TENM3: variants seen among roughly 807,000 people sequenced by gnomAD.
The protein encoded by TENM3 is teneurin-3.
TENM3 carries 63 observed loss-of-function variants against 255.1 expected under a neutral mutation model. The observed-to-expected ratio is 0.25, with a 90% CI of 0.20 to 0.30. TENM3 has a LOEUF of 0.30. TENM3 is among the 10% of genes least tolerant of loss of function. The pLI, the probability that TENM3 is intolerant of heterozygous loss-of-function variation, is 1.00. For synonymous variants in TENM3, 1,306 were observed against 1,322.3 expected, an observed-to-expected ratio of 0.99 and a Z score of 0.27; for missense variants, 2,929 against 3,461.1, an observed-to-expected ratio of 0.85 and a Z score of 3.86.
At chr4:181,599,110 A>C in the TENM3 span, among the ~76,000 whole-genome samples, 1 of 152,224 alleles carries the variant, frequency 6.6e-6, no homozygotes, top group Non-Finnish European at 1.5e-5. Context: ...AGGGGCAAAA[A>C]TATCGAGTTA....
chr4:181,647,124 T>G, the TENM3 span, among the ~76,000 whole-genome samples: 1,716 of 152,268 alleles, frequency 0.011, 32 homozygotes, highest in African/African-American at 0.039. Flanking sequence ...ATTTTTAGGA[T>G]AAGTTCAGAA....
chr4:182,489,993 A>G (rs1255406880), intron 3 of TENM3, among the ~76,000 whole-genome samples: 2 of 152,188 alleles, frequency 1.3e-5, no homozygotes, highest in African/African-American at 4.8e-5. Context: ...AAATGATAAA[A>G]TGTGTAAGAG....
chr4:181,979,092 C>A, the TENM3 span, among the ~76,000 whole-genome samples: 1 of 74,300 alleles, frequency 1.3e-5, no homozygotes, highest in African/African-American at 5.3e-5. Flanking sequence ...CTACATTAAG[C>A]CTGACATATA....
chr4:181,544,018 G>A, the TENM3 span, among the ~76,000 whole-genome samples: 1 of 152,120 alleles, frequency 6.6e-6, no homozygotes, highest in African/African-American at 2.4e-5. Flanking sequence ...AACATGTGGT[G>A]AGAACAGAAA....
the TENM3 span, among the ~76,000 whole-genome samples, chr4:182,020,382 A>C: frequency 6.6e-6 from 1 of 152,104 alleles, no homozygotes; most frequent in Non-Finnish European, 1.5e-5. Context: ...AAATTAAAAA[A>C]TAGTTTAAAA....
At chr4:181,735,034 A>G in the TENM3 span, among the ~76,000 whole-genome samples, 13 of 152,172 alleles carry the variant, frequency 8.5e-5, no homozygotes, top group Non-Finnish European at 4.4e-5. Flanking sequence ...AGGTGTGCTC[A>G]TATGCCCACA....
chr4:182,265,272 A>G (rs557807197), intron 1 of TENM3, among the ~76,000 whole-genome samples: 78 of 152,312 alleles, frequency 5.1e-4, no homozygotes, highest in African/African-American at 1.8e-3. Context: ...GGGATGGCTA[A>G]TAGTAGTGAT....
At chr4:181,926,987 C>A in the TENM3 span, among the ~76,000 whole-genome samples, 8 of 152,240 alleles carry the variant, frequency 5.3e-5, no homozygotes, top group South Asian at 1.2e-3. Flanking sequence ...AGCCCAGAAA[C>A]TACACTTTTC....
the TENM3 span, among the ~76,000 whole-genome samples, chr4:181,880,876 C>T: frequency 6.6e-6 from 1 of 152,164 alleles, no homozygotes; most frequent in African/African-American, 2.4e-5. Flanking sequence ...CTATGACCAA[C>T]TTCCAATGCC....
intron 1 of TENM3, among the ~76,000 whole-genome samples, chr4:182,176,328 A>T (rs529064045): frequency 7.4e-6 from 1 of 135,718 alleles, no homozygotes; most frequent in East Asian, 1.9e-4. Context: ...CTTTTGGCAG[A>T]TTACCTCCTC....
the TENM3 span, among the ~76,000 whole-genome samples, chr4:181,886,542 T>C: frequency 2.6e-5 from 4 of 152,202 alleles, no homozygotes; most frequent in African/African-American, 9.7e-5. Context: ...GGATTCTCTA[T>C]TTCACCCAGT....
chr4:182,672,922 C>T, intron 6 of TENM3, 83 bp from the exon 7 acceptor site: 1 of 1,055,228 alleles, frequency 9.5e-7, no homozygotes, highest in Non-Finnish European at 1.4e-6. Flanking sequence ...GTAAAAATAA[C>T]TTTTTCAAAA....
intron 1 of TENM3, among the ~76,000 whole-genome samples, chr4:182,261,259 ACT>A (rs1486745413): frequency 6.6e-6 from 1 of 152,210 alleles, no homozygotes; most frequent in Non-Finnish European, 1.5e-5. Flanking sequence ...TGATTTGGAC[ACT>A]CAGTGTTACA....
At chr4:181,965,327 C>A in the TENM3 span, among the ~76,000 whole-genome samples, 20,930 of 152,106 alleles carry the variant, frequency 0.14, 1,924 homozygotes, top group Middle Eastern at 0.2. Flanking sequence ...TTGATAAAGA[C>A]AACAAAAGCT....
At chr4:181,453,774 T>C in the TENM3 span, among the ~76,000 whole-genome samples, 1 of 152,146 alleles carries the variant, frequency 6.6e-6, no homozygotes, top group Non-Finnish European at 1.5e-5. Context: ...GTTAGTCCTG[T>C]AGGGATGCCT....
chr4:182,401,531 C>A (rs542930958), intron 3 of TENM3, among the ~76,000 whole-genome samples: 23 of 152,258 alleles, frequency 1.5e-4, no homozygotes, highest in African/African-American at 5.3e-4. Flanking sequence ...TGGTATTTTA[C>A]AATAATTACA....
At chr4:182,784,575 G>T (rs1039372344) in intron 24 of TENM3, among the ~76,000 whole-genome samples, 1 of 151,962 alleles carries the variant, frequency 6.6e-6, no homozygotes, top group African/African-American at 2.4e-5. Context: ...GCTGTGGTGG[G>T]CTCCACCCAG....
chr4:182,485,889 A>G (rs911850270), intron 3 of TENM3, among the ~76,000 whole-genome samples: 5 of 152,172 alleles, frequency 3.3e-5, no homozygotes, highest in African/African-American at 1.2e-4. Context: ...TTTTATGTAC[A>G]GGATTCAATG....
At chr4:181,774,958 G>T in the TENM3 span, among the ~76,000 whole-genome samples, 7 of 135,232 alleles carry the variant, frequency 5.2e-5, 1 homozygote, top group South Asian at 2.3e-4. Context: ...TTTCTCCCAT[G>T]TTGTAGGTTG....
Sources: gnomAD v4.1 joint callset for allele counts (sites outside exome capture counted in the v4.1 genomes callset) on GRCh38, gnomAD v4.1.1 for gene constraint, MANE v1.5 for transcripts, NCBI Gene and HGNC (gene_info 2026-07-23, HGNC 2026-07-21) for gene names.